ATXN10: variants seen among roughly 807,000 people sequenced by gnomAD.
ATXN10 encodes ataxin-10.
In ATXN10, 28 loss-of-function variants were observed where a neutral mutation model predicts 52.9. The ratio of observed to expected loss-of-function variants is 0.53; its 90% CI spans 0.39 to 0.73. The LOEUF (loss-of-function observed/expected upper bound fraction) is 0.73, where lower values mean the gene tolerates loss of function less well. Among genes scored for constraint, ATXN10 ranks in the 30% least tolerant of loss-of-function variants. The probability of loss-of-function intolerance (pLI) is 0.00; values close to 1 mark genes in which losing one functional copy is unlikely to be tolerated. For synonymous variants in ATXN10, 226 were observed against 221.5 expected (o/e 1.02, Z -0.18); for missense variants, 565 against 577.0 (o/e 0.98, Z 0.21).
At chr22:45,785,679 A>G (rs1307913793) in intron 9 of ATXN10, among the ~76,000 whole-genome samples, 1 of 152,234 alleles carries the variant, frequency 6.6e-6, no homozygotes, top group African/African-American at 2.4e-5. Context: ...TGGCAGCGCC[A>G]GGCTTAACTC....
At chr22:45,799,784 CAA>C (rs1250549773) in intron 9 of ATXN10, among the ~76,000 whole-genome samples, 4 of 152,232 alleles carry the variant, frequency 2.6e-5, no homozygotes, top group Non-Finnish European at 4.4e-5. Flanking sequence ...GAAAACAAAA[CAA>C]AGAGGATTAT....
chr22:45,843,736 A>T lies in ATXN10; in HGVS notation c.*65A>T. On this transcript the variant is annotated 3_prime_UTR_variant, in exon 12 of 12. Coordinates refer to ENST00000252934, the MANE Select transcript of ATXN10 (RefSeq NM_013236.4). The surrounding 1 kb of genome is among the most constrained non-coding windows in gnomAD (Gnocchi z 4.5). ...TCATGGATTTTTCATCTTCTACCGT[A>T]TGTGAAATTGCAAGTGTTTGAAGAT... The T allele has an allele frequency of 1.4e-6, 2 of 1,480,508 alleles. No individual in the cohort carries two copies. The highest frequency in any genetic ancestry group is 3.4e-5 in the Admixed American group (2 of 58,354). The allele number at this position is 1,480,508 out of a possible 1,614,324, so 91.7% of individuals were successfully genotyped here.
chr22:45,819,511 T>A lies in ATXN10; in HGVS notation c.1237+12489T>A, dbSNP rs1601666752. Among the ~76,000 whole-genome samples the A allele has an allele frequency of 6.6e-6, 1 of 152,192 alleles. No individual in the cohort carries two copies. The highest frequency in any genetic ancestry group is 1.9e-4 in the East Asian group (1 of 5,188). ...TGTCTCACTCTGTCCCCAGGTGGCT[T>A]TACCAAGCCACATCACTGACGTATT... On this transcript the variant is annotated intron_variant, in intron 10 of 11. Transcript: ENST00000252934. The surrounding 1 kb of genome is among the most constrained non-coding windows in gnomAD (Gnocchi z 4.5).
chr22:45,796,006 A>G (rs1002272867), intron 9 of ATXN10, among the ~76,000 whole-genome samples: 3 of 152,254 alleles, frequency 2.0e-5, no homozygotes, highest in African/African-American at 7.2e-5. Flanking sequence ...GGAGATAACC[A>G]TAAGGCCTGA....
In ATXN10 at chr22:45,700,353, G is replaced by A. The variant is rs746888231; in HGVS notation, c.463G>A (p.Val155Met). 5.0e-6 allele frequency: 8 copies of A among 1,613,958 alleles called. No homozygotes were observed. The highest frequency in any genetic ancestry group is 6.8e-6 in the Non-Finnish European group (8 of 1,179,900). Residue 155 changes from valine to methionine, a missense_variant, in exon 4 of 12, where the codon GTG becomes ATG. Val to Met is a conservative substitution (Grantham distance 21). Transcript: ENST00000252934. ...RNEDSQSIVW[V>M]HAFPELFLSC... is the part of the protein sequence containing the mutation. ...TGAAGATTCCCAGTCTATTGTTTGG[G>A]TGCATGCTTTCCCAGAACTGTTTTT...
chr22:45,803,623 T>G (rs995851193), intron 9 of ATXN10, among the ~76,000 whole-genome samples: 1 of 152,192 alleles, frequency 6.6e-6, no homozygotes, highest in Non-Finnish European at 1.5e-5. Context: ...GGCCCTTGCT[T>G]CTTTTCTGGA....
In ATXN10 at chr22:45,728,761, G is replaced by T. The variant is rs1041186466; in HGVS notation, c.729-664G>T. Among the ~76,000 whole-genome samples the T allele has an allele frequency of 6.6e-6, 1 of 152,134 alleles. No individual in the cohort carries two copies. The highest frequency in any genetic ancestry group is 2.4e-5 in the African/African-American group (1 of 41,434). ...GATGGTTGAAAAGAAATATTTATTTGGTAACTTATATATTGATGTAAAAAT... is the reference window on the plus strand; with the variant it reads ...GATGGTTGAAAAGAAATATTTATTTTGTAACTTATATATTGATGTAAAAAT... On this transcript the variant is annotated intron_variant, in intron 6 of 11. Transcript: ENST00000252934. This position sits in a 1 kb window ranked among gnomAD's most constrained non-coding sequence, Gnocchi z 4.3.
At chr22:45,686,231 G>A (rs1418353111) in intron 1 of ATXN10, among the ~76,000 whole-genome samples, 6 of 152,196 alleles carry the variant, frequency 3.9e-5, no homozygotes, top group African/African-American at 1.4e-4. Flanking sequence ...TAGCAAGGCT[G>A]TGATGCAGTC....
rs1927155098 is a variant in ATXN10 at position 45,781,695 on chromosome 22, C to G, written c.1174-25264C>G. Reference sequence around the variant, plus strand: ...CTGATGAGGATTTCAAAGCATCCATCATAGAAATGCTTCTGTAAGCAATTA... The same window carrying G: ...CTGATGAGGATTTCAAAGCATCCATGATAGAAATGCTTCTGTAAGCAATTA... On this transcript the variant is annotated intron_variant, in intron 9 of 11. Transcript: ENST00000252934. This position sits in a 1 kb window ranked among gnomAD's most constrained non-coding sequence, Gnocchi z 4.2. Among the ~76,000 whole-genome samples, 1 of 152,088 alleles carries G rather than the reference C, an allele frequency of 6.6e-6. No homozygotes were observed. The highest frequency in any genetic ancestry group is 2.4e-5 in the African/African-American group (1 of 41,398).
intron 8 of ATXN10, among the ~76,000 whole-genome samples, chr22:45,739,643 C>T (rs142432722): frequency 6.6e-6 from 1 of 152,316 alleles, no homozygotes; most frequent in African/African-American, 2.4e-5. Flanking sequence ...GAGCCAGGGT[C>T]GATGTGGGTT....
chr22:45,741,067 A>C (rs967286156), intron 9 of ATXN10, among the ~76,000 whole-genome samples: 1 of 152,198 alleles, frequency 6.6e-6, no homozygotes, highest in Non-Finnish European at 1.5e-5. Context: ...ATGGTAAGAA[A>C]GATCTCAGGG....
Position 45,678,150 on chromosome 22 carries a change from G to T in ATXN10, c.116+5971G>T, listed in dbSNP as rs1170395840. 1 of 152,086 alleles carries T rather than the reference G, an allele frequency of 6.6e-6. No individual in the cohort carries two copies. The highest frequency in any genetic ancestry group is 2.4e-5 in the African/African-American group (1 of 41,382). The allele number at this position is 152,086 out of a possible 1,614,324, so 9.4% of individuals were successfully genotyped here. A position where few individuals can be genotyped will look rare whatever the true frequency, so the allele number is the denominator to read the frequency against. ...TGTTAAAAAAAATTTTGGAAGTAGA[G>T]GTGATAGTTGTACAACATTGTGAAT... On this transcript the variant is annotated intron_variant, in intron 1 of 11. Transcript: ENST00000252934. This position sits in a 1 kb window ranked among gnomAD's most constrained non-coding sequence, Gnocchi z 4.1.
intron 10 of ATXN10, among the ~76,000 whole-genome samples, chr22:45,839,503 C>T (rs369697349): frequency 2.0e-5 from 3 of 152,200 alleles, no homozygotes; most frequent in Non-Finnish European, 4.4e-5. Flanking sequence ...CCTTCATCTC[C>T]GAGAGGGCTT....
Position 45,825,688 on chromosome 22 carries a change from CAG to C in ATXN10, c.1238-17301_1238-17300del, listed in dbSNP as rs774963034. Among the ~76,000 whole-genome samples, 57 of 152,124 alleles carry C rather than the reference CAG, an allele frequency of 3.7e-4. No individual in the cohort carries two copies. The highest frequency in any genetic ancestry group is 7.2e-4 in the Non-Finnish European group (49 of 68,018). On this transcript the variant is annotated intron_variant, in intron 10 of 11. Transcript: ENST00000252934. The surrounding 1 kb of genome is among the most constrained non-coding windows in gnomAD (Gnocchi z 4.5). ...TTCAAGGGGGAAAAAATGAAACAAA[CAG>C]AAACCATTCTTGGATTCATCTACTA... is the stretch of plus-strand genomic sequence containing the variant.
chr22:45,759,519 A>G lies in ATXN10; in HGVS notation c.1173+18981A>G, dbSNP rs1926302128. 6.6e-6 allele frequency among the ~76,000 whole-genome samples: 1 copy of G among 152,184 alleles called. No individual in the cohort carries two copies. The highest frequency in any genetic ancestry group is 2.4e-5 in the African/African-American group (1 of 41,440). Reference sequence around the variant, plus strand: ...GCAAGACTCCGTGTCAAACAAACAAACAAAAAAGATTCTAGAGCAGTCTGA... The same window carrying G: ...GCAAGACTCCGTGTCAAACAAACAAGCAAAAAAGATTCTAGAGCAGTCTGA... On this transcript the variant is annotated intron_variant, in intron 9 of 11. Coordinates refer to ENST00000252934, the MANE Select transcript of ATXN10 (RefSeq NM_013236.4). This position sits in a 1 kb window ranked among gnomAD's most constrained non-coding sequence, Gnocchi z 5.4.
At chr22:45,793,993 A>G (rs1927616011) in intron 9 of ATXN10, among the ~76,000 whole-genome samples, 1 of 152,160 alleles carries the variant, frequency 6.6e-6, no homozygotes, top group African/African-American at 2.4e-5. Flanking sequence ...ATTTATACCC[A>G]CTTTTAACTA....
At chr22:45,736,728 G>A (rs1430950096) in intron 7 of ATXN10, among the ~76,000 whole-genome samples, 1 of 152,056 alleles carries the variant, frequency 6.6e-6, no homozygotes, top group Middle Eastern at 3.2e-3. Context: ...GGCATATTCA[G>A]ATTTGGGTTA....
intron 9 of ATXN10, among the ~76,000 whole-genome samples, chr22:45,756,995 A>C (rs555671945): frequency 6.6e-6 from 1 of 152,310 alleles, no homozygotes; most frequent in Non-Finnish European, 1.5e-5. Flanking sequence ...AAACTGAGGA[A>C]GAGGGAAGGA....
chr22:45,735,307 T>A (rs919771444), intron 7 of ATXN10, among the ~76,000 whole-genome samples: 1 of 151,964 alleles, frequency 6.6e-6, no homozygotes, highest in African/African-American at 2.4e-5. Flanking sequence ...TTTTTTTTTT[T>A]AATTGAGACA....
Sources: gnomAD v4.1 joint callset for allele counts (sites outside exome capture counted in the v4.1 genomes callset) on GRCh38, gnomAD v4.1.1 for gene constraint, Gnocchi (gnomAD v3.1) non-coding constraint, MANE v1.5 for transcripts, NCBI Gene and HGNC (gene_info 2026-07-23, HGNC 2026-07-21) for gene names.